Variants in RELN observed in about 807,000 individuals in gnomAD.
RELN encodes the protein reelin.
Under a neutral mutation model 427.6 loss-of-function variants are expected in RELN, and 108 were observed. The ratio of observed to expected loss-of-function variants is 0.25; its 90% CI spans 0.22 to 0.30. The LOEUF (loss-of-function observed/expected upper bound fraction) is 0.30, where lower values mean the gene tolerates loss of function less well. Among genes scored for constraint, RELN ranks in the 10% least tolerant of loss-of-function variants. The pLI is 1.00. For synonymous variants in RELN, 1,524 were observed against 1,513.4 expected (o/e 1.01, Z -0.16); for missense variants, 3,715 against 4,302.8 (o/e 0.86, Z 3.82).
intron 51 of RELN, among the ~76,000 whole-genome samples, chr7:103,509,707 G>C (rs919813657): frequency 6.6e-6 from 1 of 151,542 alleles, no homozygotes; most frequent in African/African-American, 2.4e-5. Flanking sequence ...CTATTAGAGT[G>C]AATAGGCAAC....
At chr7:103,740,921 G>T (rs1319849381) in intron 6 of RELN, among the ~76,000 whole-genome samples, 1 of 152,134 alleles carries the variant, frequency 6.6e-6, no homozygotes, top group Non-Finnish European at 1.5e-5. Flanking sequence ...ATTATTTGGT[G>T]GTGTATTCAG....
At position 103,686,040 on chromosome 7, in the gene RELN, A is replaced by G. The variant is rs147733821; in HGVS notation, c.1144-3779T>C. Among the ~76,000 whole-genome samples the G allele has an allele frequency of 1.6e-3, 237 of 152,310 alleles. 2 individuals are homozygous for G. The highest frequency in any genetic ancestry group is 5.5e-3 in the African/African-American group (228 of 41,568). On this transcript the variant is annotated intron_variant, in intron 10 of 64. Coordinates refer to ENST00000428762, the MANE Select transcript of RELN (RefSeq NM_005045.4). ...GGTTTTCATCAAAGATGAACACCGA[A>G]GCACCTCTTAATATGATCTCCCTGG... is the stretch of plus-strand genomic sequence containing the variant.
intron 3 of RELN, among the ~76,000 whole-genome samples, chr7:103,818,990 A>G (rs922588423): frequency 6.6e-6 from 1 of 152,148 alleles, no homozygotes; most frequent in Non-Finnish European, 1.5e-5. Flanking sequence ...AAAATTCAAC[A>G]CACACATATA....
intron 28 of RELN, among the ~76,000 whole-genome samples, chr7:103,576,068 T>A (rs1279964545): frequency 1.3e-5 from 2 of 152,084 alleles, no homozygotes; most frequent in Non-Finnish European, 2.9e-5. Flanking sequence ...CTGTCTCTAC[T>A]AAAAATAGAA....
chr7:103,585,783 A>G (rs1831256030), intron 28 of RELN, among the ~76,000 whole-genome samples: 1 of 152,194 alleles, frequency 6.6e-6, no homozygotes, highest in African/African-American at 2.4e-5. Flanking sequence ...AGTATCCCTG[A>G]TGAACATAGA....
At chr7:103,755,821 A>G (rs1791135626) in intron 4 of RELN, among the ~76,000 whole-genome samples, 1 of 149,526 alleles carries the variant, frequency 6.7e-6, no homozygotes. Flanking sequence ...TCAAGAAAAA[A>G]AAAAAAAAAA....
chr7:103,641,375 C>G (rs1165310356), intron 16 of RELN, among the ~76,000 whole-genome samples: 3 of 152,174 alleles, frequency 2.0e-5, no homozygotes, highest in Non-Finnish European at 4.4e-5. Context: ...GTAAAATAAA[C>G]TTTCCTGTAG....
Position 103,698,108 on chromosome 7 carries a change from G to T in RELN, c.903-15C>A. 1 of 1,613,568 alleles carries T rather than the reference G, an allele frequency of 6.2e-7. No homozygotes were observed. Among genetic ancestry groups the T allele is most frequent in the South Asian group, 1.1e-5 (1 of 91,048 alleles). ...TGGAAGGGGCTCTGGAACATACAGAGAGATGGCAAGTTTAGCAATGCTGAC... is the reference window on the plus strand; with the variant it reads ...TGGAAGGGGCTCTGGAACATACAGATAGATGGCAAGTTTAGCAATGCTGAC... On this transcript the variant is annotated splice_polypyrimidine_tract_variant and intron_variant, in intron 9 of 64. Transcript: ENST00000428762.
Position 103,596,578 on chromosome 7 carries a change from C to G in RELN, c.3417G>C (p.Glu1139Asp), listed in dbSNP as rs1217667754. The G allele has an allele frequency of 3.7e-6, 6 of 1,614,084 alleles. No homozygotes were observed. The highest frequency in any genetic ancestry group is 4.2e-6 in the Non-Finnish European group (5 of 1,179,974). ...TGTCAGGCTTGTTGCATGAAGCACT[C>G]TCTCCGCCTATCTGGATGTAGAACT... ...FVQFYIQIGG[E>D]SASCNKPDSR... The change falls in exon 25 of 65, where the codon GAG becomes GAC. Residue 1139 changes from glutamate to aspartate, a missense_variant. By Grantham distance (45) the Glu-to-Asp change is conservative. Coordinates refer to ENST00000428762, the MANE Select transcript of RELN (RefSeq NM_005045.4).
chr7:103,963,864 A>G (rs1353074167), intron 1 of RELN, among the ~76,000 whole-genome samples: 2 of 152,220 alleles, frequency 1.3e-5, no homozygotes, highest in Non-Finnish European at 2.9e-5. Flanking sequence ...GACTCTGACT[A>G]TTAATAACTA....
rs141176296 is a variant in RELN, at chr7:103,834,672, G to A, written c.338-1000C>T. Among the ~76,000 whole-genome samples the A allele has an allele frequency of 5.9e-4, 89 of 152,128 alleles. 3 individuals are homozygous for A. The highest frequency in any genetic ancestry group is 1.9e-3 in the African/African-American group (79 of 41,488). On this transcript the variant is annotated intron_variant, in intron 2 of 64. Transcript: ENST00000428762. ...AGATACCTCACCAAAAATGATACACGGATGACAAATAATCATATGAAAAGA... is the reference window on the plus strand; with the variant it reads ...AGATACCTCACCAAAAATGATACACAGATGACAAATAATCATATGAAAAGA...
intron 24 of RELN, among the ~76,000 whole-genome samples, chr7:103,599,388 C>T (rs2117261004): frequency 1.3e-5 from 2 of 152,268 alleles, no homozygotes; most frequent in South Asian, 4.1e-4. Flanking sequence ...AGACCCAGTT[C>T]TGATTTCTTG....
Position 103,545,250 on chromosome 7 carries a change from C to T in RELN, c.6397G>A (p.Glu2133Lys), listed in dbSNP as rs1408036682. The T allele has an allele frequency of 6.2e-7, 1 of 1,614,064 alleles. No individual in the cohort carries two copies. The highest frequency in any genetic ancestry group is 8.5e-7 in the Non-Finnish European group (1 of 1,179,924). Reference sequence around the variant, plus strand: ...CTCCCCTGTCCATTACACATCTCCTCACACTGGGGACCGATGTAGACATTA... The same window carrying T: ...CTCCCCTGTCCATTACACATCTCCTTACACTGGGGACCGATGTAGACATTA... ...IDNVYIGPQC[E>K]EMCNGQGSCI... Residue 2133 changes from glutamate (E) to lysine (K), a missense_variant, in exon 42 of 65, where the codon GAG (glutamate) becomes AAG (lysine). Transcript: ENST00000428762.
chr7:103,781,127 T>C (rs1423766885), intron 3 of RELN, among the ~76,000 whole-genome samples: 2 of 152,120 alleles, frequency 1.3e-5, no homozygotes, highest in Non-Finnish European at 2.9e-5. Context: ...GCATCTTATC[T>C]TGGGGAAAAG....
intron 2 of RELN, among the ~76,000 whole-genome samples, chr7:103,864,662 C>T (rs550486524): frequency 2.0e-5 from 3 of 151,830 alleles, no homozygotes; most frequent in Admixed American, 6.6e-5. Flanking sequence ...CCTTAAGGAA[C>T]TAGAAAAAGG....
At chr7:103,784,322 A>G (rs921058167) in intron 3 of RELN, among the ~76,000 whole-genome samples, 5 of 152,098 alleles carry the variant, frequency 3.3e-5, no homozygotes, top group African/African-American at 1.2e-4. Flanking sequence ...TTTATGAGTA[A>G]AGTCAAATGA....
chr7:103,968,530 C>A lies in RELN; in HGVS notation c.226+20601G>T, dbSNP rs1796701302. On this transcript the variant is annotated intron_variant, in intron 1 of 64. Coordinates refer to ENST00000428762, the MANE Select transcript of RELN (RefSeq NM_005045.4). This position sits in a 1 kb window ranked among gnomAD's most constrained non-coding sequence, Gnocchi z 4.3. Reference sequence around the variant, plus strand: ...TATGAAAGAAATTGTAAAAGGTAAGCAAATGTAAAAAAGAAGAAATTAGAT... The same window carrying A: ...TATGAAAGAAATTGTAAAAGGTAAGAAAATGTAAAAAAGAAGAAATTAGAT... Among the ~76,000 whole-genome samples, 1 of 151,754 alleles carries A rather than the reference C, an allele frequency of 6.6e-6. No homozygotes were observed. The highest frequency in any genetic ancestry group is 1.5e-5 in the Non-Finnish European group (1 of 67,960).
chr7:103,830,045 G>GT (rs1793238270), intron 3 of RELN, among the ~76,000 whole-genome samples: 1 of 115,708 alleles, frequency 8.6e-6, no homozygotes, highest in African/African-American at 2.6e-5. Flanking sequence ...ACCATCAGTT[G>GT]TAAGACGTTA....
At chr7:103,753,588 A>C (rs375355457) in intron 4 of RELN, among the ~76,000 whole-genome samples, 1 of 152,262 alleles carries the variant, frequency 6.6e-6, no homozygotes, top group Non-Finnish European at 1.5e-5. Flanking sequence ...CATATGAACA[A>C]GCCAAATCTG....
Sources: allele counts gnomAD v4.1 joint callset (sites outside exome capture counted in the v4.1 genomes callset), GRCh38; gene constraint gnomAD v4.1.1; non-coding constraint Gnocchi (gnomAD v3.1); transcripts MANE v1.5; gene names NCBI Gene and HGNC (gene_info 2026-07-23, HGNC 2026-07-21).